SLC25A42: variants seen among roughly 807,000 people sequenced by gnomAD.
SLC25A42 encodes mitochondrial coenzyme A transporter SLC25A42.
A neutral mutation model predicts 34.7 loss-of-function variants in SLC25A42; 19 were observed. The ratio of observed to expected loss-of-function variants is 0.55; its 90% confidence interval spans 0.38 to 0.80. The LOEUF is 0.80. SLC25A42 is among the 30% of genes least tolerant of loss of function. The pLI is 0.00. For synonymous variants in SLC25A42, 205 were observed against 191.2 expected (o/e 1.07, Z -0.59); for missense variants, 364 against 441.3 (o/e 0.82, Z 1.57).
Position 19,079,124 on chromosome 19 carries a change from C to T in SLC25A42, c.-35+15009C>T, listed in dbSNP as rs542617591. On this transcript the variant is annotated intron_variant, in intron 1 of 7. Coordinates refer to ENST00000318596, the MANE Select transcript of SLC25A42 (RefSeq NM_178526.5). The stretch of plus-strand genomic sequence containing the variant: ...AGGCTGGAGTGCAATGGCGCAATCT[C>T]GGCTCACTGCAACCTCCACCTCCCT... Among the ~76,000 whole-genome samples the T allele has an allele frequency of 3.9e-5, 6 of 152,058 alleles. 1 individual carries two copies. The highest frequency in any genetic ancestry group is 2.9e-5 in the Non-Finnish European group (2 of 67,978).
chr19:19,075,200 A>G (rs938533971), intron 1 of SLC25A42, among the ~76,000 whole-genome samples: 1 of 152,050 alleles, frequency 6.6e-6, no homozygotes, highest in African/African-American at 2.4e-5. Context: ...GCAACTGTCA[A>G]CTTGCTTGGA....
intron 1 of SLC25A42, among the ~76,000 whole-genome samples, chr19:19,066,624 T>A (rs2059604043): frequency 6.6e-6 from 1 of 151,992 alleles, no homozygotes; most frequent in Non-Finnish European, 1.5e-5. Flanking sequence ...AATTTTTTCA[T>A]ATTTTTTTAG....
At chr19:19,068,620 A>T (rs1394563903) in intron 1 of SLC25A42, among the ~76,000 whole-genome samples, 1 of 151,998 alleles carries the variant, frequency 6.6e-6, no homozygotes. Flanking sequence ...GCGAGCCAAG[A>T]TCGTGCCACT....
chr19:19,067,265 G>C (rs2059607628), intron 1 of SLC25A42, among the ~76,000 whole-genome samples: 1 of 152,084 alleles, frequency 6.6e-6, no homozygotes, highest in Non-Finnish European at 1.5e-5. Flanking sequence ...CATTAGACTT[G>C]TTTCTCTGCC....
rs1414870486 is a variant in SLC25A42 at position 19,081,247 on chromosome 19, AAGTGGCCCCAG to A, written c.-34-14843_-34-14833del. 6.6e-6 allele frequency among the ~76,000 whole-genome samples: 1 copy of A among 152,132 alleles called. No homozygotes were observed. Among genetic ancestry groups the A allele is most frequent in the Non-Finnish European group, 1.5e-5 (1 of 68,016 alleles). On this transcript the variant is annotated intron_variant, in intron 1 of 7. Transcript: ENST00000318596. This position sits in a 1 kb window ranked among gnomAD's most constrained non-coding sequence, Gnocchi z 4.5. ...GGGGCACATTTCTGCAGGATGTCCCAAGTGGCCCCAGGGTGACTTTCCAGCACTGGACCCAT... is the reference window on the plus strand; with the variant it reads ...GGGGCACATTTCTGCAGGATGTCCCAGGTGACTTTCCAGCACTGGACCCAT...
chr19:19,091,823 G>A (rs2059739725), intron 1 of SLC25A42, among the ~76,000 whole-genome samples: 1 of 152,216 alleles, frequency 6.6e-6, no homozygotes, highest in Non-Finnish European at 1.5e-5. Context: ...GCTATAGTGA[G>A]CTATGATTAT....
chr19:19,097,505 G>A (rs2059771926), intron 2 of SLC25A42, among the ~76,000 whole-genome samples: 1 of 152,252 alleles, frequency 6.6e-6, no homozygotes, highest in Non-Finnish European at 1.5e-5. Context: ...GGTGGCTGCT[G>A]AACCACACGC....
Position 19,105,665 on chromosome 19 carries a change from C to G in SLC25A42, c.318C>G (p.Ile106Met). The stretch of plus-strand genomic sequence containing the variant: ...TGCGCGTGGTGCCCTACGCCGCCAT[C>G]CAGTTCAGCGCACACGAGGAGTACA... Reference protein sequence around the residue: ...TMVRVVPYAAIQFSAHEEYKR... With the variant: ...TMVRVVPYAAMQFSAHEEYKR... The change falls in exon 5 of 8, where the codon ATC becomes ATG. Residue 106 changes from isoleucine (I) to methionine (M), a missense_variant. By Grantham distance (10) the Ile-to-Met change is conservative. Coordinates refer to ENST00000318596, the MANE Select transcript of SLC25A42 (RefSeq NM_178526.5). The G allele has an allele frequency of 6.8e-6, 11 of 1,613,476 alleles. No homozygotes were observed. Among genetic ancestry groups the G allele is most frequent in the Non-Finnish European group, 9.3e-6 (11 of 1,179,804 alleles).
chr19:19,077,777 C>T (rs919357477), intron 1 of SLC25A42, among the ~76,000 whole-genome samples: 4 of 152,192 alleles, frequency 2.6e-5, no homozygotes, highest in African/African-American at 4.8e-5. Context: ...ATCCCAGCTA[C>T]TCGGGAGGCT....
intron 2 of SLC25A42, 69 bp downstream of exon 2, chr19:19,096,274 C>A: frequency 8.4e-7 from 1 of 1,189,752 alleles, no homozygotes; most frequent in Non-Finnish European, 1.2e-6. Flanking sequence ...CCCTCCCAGG[C>A]TCCCTGCCTC....
intron 1 of SLC25A42, among the ~76,000 whole-genome samples, chr19:19,095,291 T>C (rs1169846817): frequency 2.0e-5 from 3 of 150,836 alleles, no homozygotes; most frequent in African/African-American, 4.9e-5. Flanking sequence ...TGAGCTATGA[T>C]TGTTCTACTG....
rs770974610 is a variant in SLC25A42, at chr19:19,096,105, C to A, written c.-20C>A. ...TACCCCCCCAGGACCGAGTCTCCTGCCATTCCGAGCAGGCCTGGTATGGGT... is the reference window on the plus strand; with the variant it reads ...TACCCCCCCAGGACCGAGTCTCCTGACATTCCGAGCAGGCCTGGTATGGGT... On this transcript the variant is annotated 5_prime_UTR_variant, in exon 2 of 8. Transcript: ENST00000318596. 6.2e-7 allele frequency: 1 copy of A among 1,611,460 alleles called. No homozygotes were observed. The highest frequency in any genetic ancestry group is 1.1e-5 in the South Asian group (1 of 90,964).
At chr19:19,091,599 G>A (rs953738733) in intron 1 of SLC25A42, among the ~76,000 whole-genome samples, 35 of 152,164 alleles carry the variant, frequency 2.3e-4, no homozygotes, top group Admixed American at 6.6e-5. Flanking sequence ...TGTTATGGCC[G>A]GGTGCGGTGG....
At chr19:19,100,687 G>A (rs1174757671) in intron 2 of SLC25A42, among the ~76,000 whole-genome samples, 1 of 152,184 alleles carries the variant, frequency 6.6e-6, no homozygotes, top group Non-Finnish European at 1.5e-5. Context: ...GGCTGTATTT[G>A]CTTTCATCTG....
At chr19:19,076,181 G>A (rs1247180936) in intron 1 of SLC25A42, among the ~76,000 whole-genome samples, 2 of 152,122 alleles carry the variant, frequency 1.3e-5, no homozygotes, top group Non-Finnish European at 2.9e-5. Context: ...AGGTATTCTC[G>A]GCCAGGTGTA....
chr19:19,065,711 ATATG>A lies in SLC25A42; in HGVS notation c.-35+1604_-35+1607del, dbSNP rs373284911. On this transcript the variant is annotated intron_variant, in intron 1 of 7. Transcript: ENST00000318596. ...AAAACATATATGGGCATGTATGTAT[ATATG>A]TATGTATATGTGTGTGTGTTGTACA... Among the ~76,000 whole-genome samples the A allele has an allele frequency of 8.5e-5, 13 of 152,292 alleles. No individual in the cohort carries two copies. The South Asian group carries it at 2.7e-3, about 32-fold the overall frequency.
chr19:19,095,964 G>A (rs1286965266), intron 1 of SLC25A42, 127 bp from the exon 2 acceptor site: 1 of 715,408 alleles, frequency 1.4e-6, no homozygotes. Flanking sequence ...GACCGTGGCT[G>A]CGGAATGCAG....
intron 1 of SLC25A42, among the ~76,000 whole-genome samples, chr19:19,065,181 C>T (rs1229050950): frequency 6.6e-6 from 1 of 152,060 alleles, no homozygotes; most frequent in Non-Finnish European, 1.5e-5. Flanking sequence ...TCTCGGAGTC[C>T]TGGGGCAGGC....
intron 1 of SLC25A42, among the ~76,000 whole-genome samples, chr19:19,065,570 C>T (rs1316556592): frequency 6.6e-6 from 1 of 152,124 alleles, no homozygotes; most frequent in African/African-American, 2.4e-5. Context: ...TACCCCCTCC[C>T]ACCGCTCCCT....
Sources: allele counts gnomAD v4.1 joint callset (sites outside exome capture counted in the v4.1 genomes callset), GRCh38; gene constraint gnomAD v4.1.1; non-coding constraint Gnocchi (gnomAD v3.1); transcripts MANE v1.5; gene names NCBI Gene and HGNC (gene_info 2026-07-23, HGNC 2026-07-21).